Variants in TJP2 observed in about 807,000 individuals in gnomAD.
The protein encoded by TJP2 is Friedreich ataxia region gene X104 (tight junction protein ZO-2).
A neutral mutation model predicts 133.1 loss-of-function variants in TJP2; 91 were observed. The observed-to-expected ratio is 0.68, with a 90% CI of 0.58 to 0.81. The LOEUF is 0.81. Ranked by LOEUF, TJP2 falls within the 40% of genes least tolerant of loss-of-function variation. The pLI, the probability that TJP2 is intolerant of heterozygous loss-of-function variation, is 0.00. For missense variants in TJP2, 1,541 were observed against 1,565.6 expected (o/e 0.98, Z 0.26); for synonymous variants, 592 against 583.4 (o/e 1.01, Z -0.21).
intron 8 of TJP2, 46 bp from the exon 9 acceptor site, chr9:69,227,935 T>C: frequency 6.2e-7 from 1 of 1,614,100 alleles, no homozygotes; most frequent in Non-Finnish European, 8.5e-7. Context: ...TATGTATTTA[T>C]GAAACTGTTA....
chr9:69,227,267 G>C (rs948387092), intron 7 of TJP2, among the ~76,000 whole-genome samples: 1 of 152,056 alleles, frequency 6.6e-6, no homozygotes, highest in African/African-American at 2.4e-5. Flanking sequence ...CATGTTAGGG[G>C]GTTTGCAGTT....
intron 1 of TJP2, among the ~76,000 whole-genome samples, chr9:69,176,897 G>A (rs1383371945): frequency 6.6e-6 from 1 of 151,976 alleles, no homozygotes; most frequent in Non-Finnish European, 1.5e-5. Context: ...ACAATAATAT[G>A]TGTAGTAATA....
chr9:69,171,985 C>T (rs1156938572), upstream of TJP2, among the ~76,000 whole-genome samples: 5 of 152,024 alleles, frequency 3.3e-5, no homozygotes, highest in African/African-American at 7.2e-5. Context: ...TTAGTAGAGA[C>T]GGGGTCTCAC....
intron 9 of TJP2, among the ~76,000 whole-genome samples, chr9:69,228,577 T>C (rs1829524455): frequency 6.6e-6 from 1 of 152,228 alleles, no homozygotes; most frequent in Admixed American, 6.5e-5. Context: ...TGCATGTGTG[T>C]ATATATGTAT....
chr9:69,124,986 CTT>C lies in TJP2; in HGVS notation c.-131+3262_-131+3263del, dbSNP rs1822267181. ...GTTGTTGTTGAGATGGAGTTTCGCT[CTT>C]GTCACCCAGGCTGGAGTGCAACGGC... On this transcript the variant is annotated intron_variant, in intron 1 of 5. Coordinates refer to the TJP2 transcript ENST00000423935. Among the ~76,000 whole-genome samples the C allele has an allele frequency of 2.6e-5, 2 of 76,632 alleles. 1 individual carries two copies. The highest frequency in any genetic ancestry group is 7.2e-4 in the South Asian group (2 of 2,774). 50.3% of individuals were successfully genotyped at this position (76,632 alleles called of 152,430 possible). A position where few individuals can be genotyped will look rare whatever the true frequency, so the allele number is the denominator to read the frequency against.
rs143353004 is a variant in TJP2 at position 69,135,079 on chromosome 9, G to C, written c.-131+13354G>C. 1.3e-3 allele frequency among the ~76,000 whole-genome samples: 204 copies of C among 152,038 alleles called. 1 individual carries two copies. The highest frequency in any genetic ancestry group is 4.6e-3 in the African/African-American group (192 of 41,438). On this transcript the variant is annotated intron_variant, in intron 1 of 5. Transcript: ENST00000423935. ...CACCCTCATGACCTCATCTAAACCT[G>C]ATTACCTCCCAAAAGTCCTATCTCC...
intron 1 of TJP2, chr9:69,205,417 T>A: frequency 3.1e-6 from 4 of 1,289,528 alleles, no homozygotes; most frequent in Non-Finnish European, 3.1e-6. Flanking sequence ...AAAATACTTG[T>A]ATTAATTTTA....
intron 1 of TJP2, among the ~76,000 whole-genome samples, chr9:69,206,072 A>G (rs1425283818): frequency 2.0e-5 from 3 of 152,092 alleles, no homozygotes; most frequent in African/African-American, 7.2e-5. Context: ...TAATGCATTA[A>G]GTTTTTTGTT....
At chr9:69,180,602 G>A (rs1205379124) in intron 1 of TJP2, among the ~76,000 whole-genome samples, 1 of 152,212 alleles carries the variant, frequency 6.6e-6, no homozygotes, top group East Asian at 1.9e-4. Context: ...GGGAATAGGA[G>A]TAAGTAATGT....
intron 1 of TJP2, among the ~76,000 whole-genome samples, chr9:69,202,683 C>T (rs1419911583): frequency 1.3e-5 from 2 of 152,096 alleles, no homozygotes; most frequent in African/African-American, 4.8e-5. Flanking sequence ...AGGACTTCAT[C>T]CTGATTGTCT....
chr9:69,235,752 T>C (rs1210832513), intron 12 of TJP2, among the ~76,000 whole-genome samples: 1 of 152,202 alleles, frequency 6.6e-6, no homozygotes, highest in Non-Finnish European at 1.5e-5. Context: ...GTGACTGTCA[T>C]TCAAAAACAC....
At chr9:69,207,727 G>A (rs1005828493) in intron 1 of TJP2, among the ~76,000 whole-genome samples, 1 of 152,182 alleles carries the variant, frequency 6.6e-6, no homozygotes, top group African/African-American at 2.4e-5. Context: ...TCTGATCTGC[G>A]CATAGCCAAG....
chr9:69,226,280 G>C, intron 7 of TJP2, 105 bp downstream of exon 7: 4 of 1,329,160 alleles, frequency 3.0e-6, no homozygotes, highest in South Asian at 1.3e-5. Flanking sequence ...AATTTCTAAG[G>C]AAAGACCCCT....
intron 2 of TJP2, among the ~76,000 whole-genome samples, chr9:69,161,783 C>T (rs986477562): frequency 5.6e-4 from 84 of 149,894 alleles, no homozygotes; most frequent in Admixed American, 4.2e-3. Context: ...TGTGGTGGCT[C>T]ACGCCTGTAA....
At chr9:69,195,756 A>C (rs1826514167) in intron 1 of TJP2, among the ~76,000 whole-genome samples, 1 of 152,184 alleles carries the variant, frequency 6.6e-6, no homozygotes, top group Admixed American at 6.5e-5. Flanking sequence ...CTGACTGTTC[A>C]AACAGCCAGA....
intron 1 of TJP2, among the ~76,000 whole-genome samples, chr9:69,123,093 G>A (rs1411294432): frequency 1.3e-5 from 2 of 152,094 alleles, no homozygotes; most frequent in African/African-American, 2.4e-5. Flanking sequence ...GCACATTAAC[G>A]TCTGAGAAGT....
At chr9:69,144,757 G>A (rs1384458881) in intron 1 of TJP2, among the ~76,000 whole-genome samples, 1 of 152,110 alleles carries the variant, frequency 6.6e-6, no homozygotes, top group South Asian at 2.1e-4. Flanking sequence ...TCCATGTGGC[G>A]GGGCACATGA....
chr9:69,189,859 G>T (rs1217563629), intron 1 of TJP2, among the ~76,000 whole-genome samples: 1 of 110,526 alleles, frequency 9.0e-6, no homozygotes, highest in Non-Finnish European at 2.0e-5. Context: ...TGTAATCCCA[G>T]CACTTTGGGA....
rs191372890 is a variant in TJP2 at position 69,220,752 on chromosome 9, G to C, written c.343-135G>C. On this transcript the variant is annotated intron_variant, in intron 4 of 22. Transcript: ENST00000377245. ...GTGAGATTTTTATTGTCCGTTTCCG[G>C]ATGAGGAACCTGAACCTTAGTGAGT... The C allele has an allele frequency of 7.0e-5, 57 of 814,402 alleles. No individual in the cohort carries two copies. The African/African-American group carries it at 8.3e-4, about 12-fold the overall frequency. The allele number at this position is 814,402 out of a possible 1,614,324, so 50.4% of individuals were successfully genotyped here.
Sources: gnomAD v4.1 joint callset for allele counts (sites outside exome capture counted in the v4.1 genomes callset) on GRCh38, gnomAD v4.1.1 for gene constraint, MANE v1.5 for transcripts, NCBI Gene and HGNC (gene_info 2026-07-23, HGNC 2026-07-21) for gene names.